The following TOP3A variants were observed in gnomAD, a reference collection of about 807,000 sequenced individuals.
The protein encoded by TOP3A is DNA topoisomerase 3-alpha.
Under a neutral mutation model 111.3 loss-of-function variants are expected in TOP3A, and 64 were observed. The observed-to-expected ratio is 0.57, with a 90% CI of 0.47 to 0.71. The LOEUF is 0.71. Ranked by LOEUF, TOP3A falls within the 30% of genes least tolerant of loss-of-function variation. The pLI is 0.00. For missense variants in TOP3A, 1,104 were observed against 1,285.0 expected (o/e 0.86, Z 2.15); for synonymous variants, 484 against 485.1 (o/e 1.00, Z 0.03).
chr17:18,292,512 G>C (rs1254971393), intron 11 of TOP3A, 133 bp downstream of exon 11: 16 of 877,992 alleles, frequency 1.8e-5, no homozygotes, highest in Non-Finnish European at 2.7e-5. Flanking sequence ...CCAGGCAGAG[G>C]ATTGTGAAAT....
intron 18 of TOP3A, 42 bp from the exon 19 acceptor site, chr17:18,275,022 T>A (rs1312929675): frequency 2.5e-6 from 4 of 1,591,868 alleles, no homozygotes. Flanking sequence ...AGAACTGACA[T>A]GCAGAAGTGG....
chr17:18,280,176 T>G (rs1268142975), intron 17 of TOP3A: 1 of 150,760 alleles, frequency 6.6e-6, no homozygotes, highest in Non-Finnish European at 1.5e-5. Flanking sequence ...AAATAAAAAT[T>G]TTTTTTTTTA....
At position 18,292,786 on chromosome 17, in the gene TOP3A, C is replaced by T; in HGVS notation, c.1140G>A (p.Val380=). 2 of 1,614,068 alleles carry T rather than the reference C, an allele frequency of 1.2e-6. No homozygotes were observed. The highest frequency in any genetic ancestry group is 2.2e-5 in the East Asian group (1 of 44,882). Reference sequence around the variant, plus strand: ...AGCGTGGATCGGGGGTCTGCTGTTCCACCAACACCGTCAGGTTTAAGTCTC... The same window carrying T: ...AGCGTGGATCGGGGGTCTGCTGTTCTACCAACACCGTCAGGTTTAAGTCTC... ...FPRDLNLTVL[V]EQQTPDPRWG... Residue 380 remains valine, a synonymous_variant, in exon 11 of 19, where the codon GTG becomes GTA. Coordinates refer to ENST00000321105, the MANE Select transcript of TOP3A (RefSeq NM_004618.5).
At chr17:18,289,648 C>T (rs1980345149) in intron 13 of TOP3A, among the ~76,000 whole-genome samples, 1 of 152,210 alleles carries the variant, frequency 6.6e-6, no homozygotes, top group African/African-American at 2.4e-5. Flanking sequence ...CCATCTTGGC[C>T]TCCCAAAATG....
intron 13 of TOP3A, among the ~76,000 whole-genome samples, chr17:18,288,470 T>C (rs1980263599): frequency 6.7e-6 from 1 of 149,134 alleles, no homozygotes; most frequent in African/African-American, 2.5e-5. Context: ...AATATTATTA[T>C]TATTTTTTTG....
At chr17:18,290,801 C>G (rs775930000) in intron 12 of TOP3A, 41 bp downstream of exon 12, 76 of 1,605,468 alleles carry the variant, frequency 4.7e-5, no homozygotes, top group Non-Finnish European at 6.4e-5. Context: ...GGGCTCACAA[C>G]ACAACTGTCC....
intron 8 of TOP3A, 117 bp downstream of exon 8, chr17:18,301,766 CCT>C (rs767932363): frequency 8.8e-5 from 69 of 787,592 alleles, no homozygotes; most frequent in South Asian, 1.5e-4. Flanking sequence ...AAAGTGATCC[CCT>C]GAGATGCAAA....
intron 1 of TOP3A, chr17:18,313,528 G>C (rs1376495129): frequency 6.4e-6 from 1 of 157,472 alleles, no homozygotes; most frequent in East Asian, 1.7e-4. Flanking sequence ...TGGATTCATG[G>C]TATGATAGGG....
Position 18,308,397 on chromosome 17 carries a change from A to C in TOP3A, c.268T>G (p.Ser90Ala), listed in dbSNP as rs755124563. Residue 90 changes from serine (S) to alanine (A), a missense_variant, in exon 3 of 19, where the codon TCT becomes GCT. Transcript: ENST00000321105. The stretch of plus-strand genomic sequence containing the variant: ...AAATCATGAGCCAGTAAATGTCCAG[A>C]AACTGAAGTCATTACCATGGTAACA... ...QNVTMVMTSV[S>A]GHLLAHDFQM... 6.8e-6 allele frequency: 11 copies of C among 1,606,232 alleles called. No homozygotes were observed. In the East Asian group the frequency reaches 1.8e-4, roughly 26 times the overall value.
chr17:18,292,989 T>C (rs1980574613), intron 10 of TOP3A, 137 bp from the exon 11 acceptor site: 1 of 813,706 alleles, frequency 1.2e-6, no homozygotes, highest in Admixed American at 3.2e-5. Context: ...CTACATTACC[T>C]GCTTCAGAAA....
rs766158237 is a variant in TOP3A at position 18,290,641 on chromosome 17, C to T, written c.1513G>A (p.Val505Met). Residue 505 changes from valine to methionine, a missense_variant, in exon 13 of 19, where the codon GTG becomes ATG. Physicochemically the swap from Val to Met is conservative, Grantham distance 21. Coordinates refer to ENST00000321105, the MANE Select transcript of TOP3A (RefSeq NM_004618.5). ...CTGGTCTCCCCGTCCACCATCTCCA[C>T]GGTGCTGGGCTGAAAGTGGGATCCT... ...EQGSHFQPST[V>M]EMVDGETSPP... 18 of 1,610,058 alleles carry T rather than the reference C, an allele frequency of 1.1e-5. No homozygotes were observed. The highest frequency in any genetic ancestry group is 1.6e-4 in the Middle Eastern group (1 of 6,076).
rs150624837 is a variant in TOP3A at position 18,274,919 on chromosome 17, T to G, written c.2889A>C (p.Arg963Ser). 10 of 1,614,036 alleles carry G rather than the reference T, an allele frequency of 6.2e-6. No homozygotes were observed. Among genetic ancestry groups the G allele is most frequent in the Non-Finnish European group, 7.6e-6 (9 of 1,180,042 alleles). Residue 963 changes from arginine to serine, a missense_variant, in exon 19 of 19, where the codon AGA (arginine) becomes AGC (serine). Physicochemically the swap from Arg to Ser is moderately radical, Grantham distance 110. Coordinates refer to ENST00000321105, the MANE Select transcript of TOP3A (RefSeq NM_004618.5). ...DRGRTLESEA[R>S]SKRPRASSSD... ...AGGAACTGGCCCGGGGCCTTTTGCTTCTGGCTTCCGACTCCAGGGTTCTTC... is the reference window on the plus strand; with the variant it reads ...AGGAACTGGCCCGGGGCCTTTTGCTGCTGGCTTCCGACTCCAGGGTTCTTC...
chr17:18,301,308 C>G (rs1981212552), intron 8 of TOP3A, among the ~76,000 whole-genome samples: 1 of 152,232 alleles, frequency 6.6e-6, no homozygotes, highest in African/African-American at 2.4e-5. Flanking sequence ...TGACCCGGGC[C>G]AGTCTTGCTC....
chr17:18,280,117 C>T (rs1474154937), intron 17 of TOP3A: 1 of 152,290 alleles, frequency 6.6e-6, no homozygotes, highest in East Asian at 1.9e-4. Context: ...CGCCACTGCA[C>T]TTCAGCCTGG....
rs1301100834 is a variant in TOP3A, at chr17:18,290,700, C to A, written c.1468-14G>T. The stretch of plus-strand genomic sequence containing the variant: ...GACAGGGAGGATCTACAGGGAGCGG[C>A]AGGTGCAACAGTCAGATGATTCCAT... On this transcript the variant is annotated splice_polypyrimidine_tract_variant and intron_variant, in intron 12 of 18. Coordinates refer to ENST00000321105, the MANE Select transcript of TOP3A (RefSeq NM_004618.5). 3.2e-6 allele frequency: 5 copies of A among 1,584,164 alleles called. No individual in the cohort carries two copies. The highest frequency in any genetic ancestry group is 4.3e-6 in the Non-Finnish European group (5 of 1,162,572).
At chr17:18,285,359 C>T (rs1464542200) in intron 14 of TOP3A, 48 bp downstream of exon 14, 1 of 1,612,952 alleles carries the variant, frequency 6.2e-7, no homozygotes, top group East Asian at 2.2e-5. Flanking sequence ...CCCTCAGGGA[C>T]TTGGGCGACA....
intron 17 of TOP3A, among the ~76,000 whole-genome samples, chr17:18,278,871 G>C (rs550262296): frequency 6.6e-6 from 1 of 152,276 alleles, no homozygotes; most frequent in South Asian, 2.1e-4. Context: ...CCAGCTACTC[G>C]GGAGGCTGAG....
At chr17:18,286,123 C>T (rs1440813107) in intron 13 of TOP3A, among the ~76,000 whole-genome samples, 1 of 151,022 alleles carries the variant, frequency 6.6e-6, no homozygotes, top group Admixed American at 6.6e-5. Context: ...TCACTTGAAC[C>T]CAGGAGACAG....
rs1252983745 is a variant in TOP3A at position 18,290,847 on chromosome 17, C to G, written c.1462G>C (p.Asp488His). The change falls in exon 12 of 19, where the codon GAC becomes CAC. Residue 488 changes from aspartate (D) to histidine (H), a missense_variant. Coordinates refer to ENST00000321105, the MANE Select transcript of TOP3A (RefSeq NM_004618.5). The stretch of plus-strand genomic sequence containing the variant: ...TGGGGACCACTCTTTATTACCTTGT[C>G]ACTCCAGTGATCATATGGATACACA... ...LDVYPYDHWS[D>H]KILPVYEQGS... The G allele has an allele frequency of 3.1e-6, 5 of 1,613,960 alleles. No individual in the cohort carries two copies. In the South Asian group the frequency reaches 5.5e-5, roughly 18 times the overall value.
Sources: gnomAD v4.1 joint callset for allele counts (sites outside exome capture counted in the v4.1 genomes callset) on GRCh38, gnomAD v4.1.1 for gene constraint, MANE v1.5 for transcripts, NCBI Gene and HGNC (gene_info 2026-07-23, HGNC 2026-07-21) for gene names.